PIAS1: variants seen among roughly 807,000 people sequenced by gnomAD.
PIAS1 encodes E3 SUMO-protein ligase PIAS1.
A neutral mutation model predicts 71.3 loss-of-function variants in PIAS1; 6 were observed. The ratio of observed to expected loss-of-function variants is 0.08; its 90% CI spans 0.05 to 0.17. The LOEUF is 0.17. PIAS1 is among the 10% of genes least tolerant of loss of function. The pLI is 1.00. For missense variants in PIAS1, 555 were observed against 793.6 expected, an observed-to-expected ratio of 0.70 and a Z score of 3.61; for synonymous variants, 303 against 292.9, an observed-to-expected ratio of 1.03 and a Z score of -0.35.
intron 7 of PIAS1, among the ~76,000 whole-genome samples, chr15:68,161,559 A>G (rs2092924678): frequency 6.6e-6 from 1 of 151,972 alleles, no homozygotes; most frequent in Non-Finnish European, 1.5e-5. Context: ...CACCTCTGAG[A>G]GAAAGTGAAT....
chr15:68,059,539 G>A (rs1033618843), intron 1 of PIAS1, among the ~76,000 whole-genome samples: 4 of 151,188 alleles, frequency 2.6e-5, no homozygotes, highest in Admixed American at 6.6e-5. Context: ...GTGAAACCCC[G>A]TCTCTACTAA....
At chr15:68,088,199 T>TATATATATATATATATATATCC (rs2092302696) in intron 2 of PIAS1, among the ~76,000 whole-genome samples, 1 of 144,478 alleles carries the variant, frequency 6.9e-6, no homozygotes, top group Non-Finnish European at 1.5e-5. Flanking sequence ...TATATATATA[T>TATATATATATATATATATATCC]ATCCCATTTT....
chr15:68,072,557 C>T (rs1326149136), intron 1 of PIAS1, among the ~76,000 whole-genome samples: 1 of 151,982 alleles, frequency 6.6e-6, no homozygotes, highest in East Asian at 1.9e-4. Flanking sequence ...AACTAGGAAA[C>T]CTGACTGAGT....
chr15:68,104,561 G>T (rs769284517), intron 2 of PIAS1, among the ~76,000 whole-genome samples: 1 of 151,940 alleles, frequency 6.6e-6, no homozygotes, highest in East Asian at 1.9e-4. Context: ...CAAATATTTC[G>T]TGTTCTCACT....
intron 1 of PIAS1, among the ~76,000 whole-genome samples, chr15:68,070,832 G>T (rs778201659): frequency 2.2e-4 from 34 of 152,100 alleles, no homozygotes; most frequent in Non-Finnish European, 3.7e-4. Context: ...TGTTGGCCAG[G>T]CTGGTCTTGA....
chr15:68,107,726 G>C (rs1307487185), intron 2 of PIAS1, among the ~76,000 whole-genome samples: 2 of 151,590 alleles, frequency 1.3e-5, no homozygotes, highest in Non-Finnish European at 2.9e-5. Flanking sequence ...ATGGTCATCA[G>C]TTATAAACAG....
rs2093012429 is a variant in PIAS1 at position 68,174,919 on chromosome 15, TTAAA to T, written c.1170-715_1170-712del. On this transcript the variant is annotated intron_variant, in intron 9 of 13. Transcript: ENST00000249636. The surrounding 1 kb of genome is among the most constrained non-coding windows in gnomAD (Gnocchi z 4.0). ...GTGATCACTTACTAGTAAATCAGAATTAAATAGTGATATTTTCCAACTTTATATG... is the reference window on the plus strand; with the variant it reads ...GTGATCACTTACTAGTAAATCAGAATTAGTGATATTTTCCAACTTTATATG... Among the ~76,000 whole-genome samples, 1 of 152,186 alleles carries T rather than the reference TTAAA, an allele frequency of 6.6e-6. No individual in the cohort carries two copies. The highest frequency in any genetic ancestry group is 2.4e-5 in the African/African-American group (1 of 41,454).
chr15:68,100,951 A>G (rs1258129642), intron 2 of PIAS1, among the ~76,000 whole-genome samples: 1 of 151,204 alleles, frequency 6.6e-6, no homozygotes, highest in Non-Finnish European at 1.5e-5. Context: ...GGTGGAGGGC[A>G]GTGGCATGAT....
rs758352549 is a variant in PIAS1, at chr15:68,176,479, T to C, written c.1306T>C (p.Leu436=). 1.9e-6 allele frequency: 3 copies of C among 1,594,714 alleles called. No homozygotes were observed. The South Asian group carries it at 3.4e-5, about 18-fold the overall frequency. Reference sequence around the variant, plus strand: ...TTTTAATCATTCCCATATAGGATGCTTGAGCTCCACATTGGAGCATCAGGT... The same window carrying C: ...TTTTAATCATTCCCATATAGGATGCCTGAGCTCCACATTGGAGCATCAGGT... ...SASYNGVDGC[L]SSTLEHQVAS... is the part of the protein sequence containing the mutation. The change falls in exon 11 of 14, where the codon TTG becomes CTG. Residue 436 remains leucine, a synonymous_variant. Coordinates refer to ENST00000249636, the MANE Select transcript of PIAS1 (RefSeq NM_016166.3).
rs180714436 is a variant in PIAS1, at chr15:68,139,359, G to A, written c.470-2587G>A. Among the ~76,000 whole-genome samples the A allele has an allele frequency of 1.8e-4, 28 of 152,306 alleles. No homozygotes were observed. In the East Asian group the frequency reaches 5.4e-3, roughly 29 times the overall value. ...GTCTAAAAGGGTTCAAACAGAGAAT[G>A]AATGGAAAGGTTGAAAGGAAGGTTG... On this transcript the variant is annotated intron_variant, in intron 2 of 13. Transcript: ENST00000249636.
intron 6 of PIAS1, among the ~76,000 whole-genome samples, chr15:68,151,672 C>G (rs1230981149): frequency 6.0e-5 from 3 of 50,348 alleles, no homozygotes; most frequent in East Asian, 9.4e-4. Flanking sequence ...ACAAAAAAAA[C>G]AAAAAAACAA....
At chr15:68,081,052 C>G (rs1338467182) in intron 1 of PIAS1, among the ~76,000 whole-genome samples, 1 of 152,200 alleles carries the variant, frequency 6.6e-6, no homozygotes, top group African/African-American at 2.4e-5. Context: ...AGCCTGTTTG[C>G]TTGTTGACGT....
intron 12 of PIAS1, 151 bp from the exon 13 acceptor site, chr15:68,183,479 G>C (rs2093068876): frequency 3.6e-6 from 2 of 559,678 alleles, no homozygotes; most frequent in South Asian, 3.7e-5. Context: ...AGAAAGGAGA[G>C]ACGTAAAACG....
intron 8 of PIAS1, among the ~76,000 whole-genome samples, chr15:68,165,718 G>T (rs565665190): frequency 6.6e-6 from 1 of 152,162 alleles, no homozygotes; most frequent in Non-Finnish European, 1.5e-5. Context: ...CTAATCTGAT[G>T]TTAGGCTCTT....
chr15:68,065,832 C>G (rs937806357), intron 1 of PIAS1, among the ~76,000 whole-genome samples: 1 of 141,196 alleles, frequency 7.1e-6, no homozygotes, highest in Admixed American at 7.3e-5. Context: ...CTTCGAACTC[C>G]TGGGCTCAAA....
chr15:68,111,215 T>G (rs142082321), intron 2 of PIAS1, among the ~76,000 whole-genome samples: 19 of 152,282 alleles, frequency 1.2e-4, no homozygotes, highest in Admixed American at 2.0e-4. Context: ...CCTGGGAAAA[T>G]TATGCTCCCT....
intron 2 of PIAS1, among the ~76,000 whole-genome samples, chr15:68,114,371 A>G (rs188158985): frequency 1.3e-5 from 2 of 152,192 alleles, no homozygotes; most frequent in Admixed American, 6.5e-5. Flanking sequence ...ATGATTTAGT[A>G]TATGAATTGG....
At chr15:68,146,795 G>A in intron 6 of PIAS1, 95 bp downstream of exon 6, 6 of 881,462 alleles carry the variant, frequency 6.8e-6, no homozygotes, top group Non-Finnish European at 1.1e-5. Context: ...TGTAAAATGA[G>A]CTGCAAAAGG....
chr15:68,087,274 A>T (rs879739634), intron 2 of PIAS1, among the ~76,000 whole-genome samples: 2 of 152,114 alleles, frequency 1.3e-5, no homozygotes, highest in Non-Finnish European at 2.9e-5. Flanking sequence ...GCACATGCAC[A>T]CTCATGATTA....
Sources: gnomAD v4.1 joint callset for allele counts (sites outside exome capture counted in the v4.1 genomes callset) on GRCh38, gnomAD v4.1.1 for gene constraint, Gnocchi (gnomAD v3.1) non-coding constraint, MANE v1.5 for transcripts, NCBI Gene and HGNC (gene_info 2026-07-23, HGNC 2026-07-21) for gene names.